The following NELL1 variants were observed in gnomAD, a reference collection of about 807,000 sequenced individuals.
NELL1 encodes the protein protein kinase C-binding protein NELL1.
Under a neutral mutation model 107.4 loss-of-function variants are expected in NELL1, and 76 were observed. The observed-to-expected ratio is 0.71, with a 90% CI of 0.59 to 0.86. NELL1 has a LOEUF of 0.86. NELL1 is among the 40% of genes least tolerant of loss of function. NELL1 has a pLI of 0.00. For missense variants in NELL1, 1,024 were observed against 1,005.5 expected, an observed-to-expected ratio of 1.02 and a Z score of -0.25; for synonymous variants, 353 against 341.2, an observed-to-expected ratio of 1.03 and a Z score of -0.38.
intron 14 of NELL1, among the ~76,000 whole-genome samples, chr11:21,315,907 G>A (rs181576266): frequency 0.023 from 3,439 of 151,734 alleles, 70 homozygotes; most frequent in Non-Finnish European, 0.029. Flanking sequence ...GTGTGTGTGT[G>A]TGTGTGTGTG....
At chr11:20,920,545 C>G (rs746826049) in intron 7 of NELL1, among the ~76,000 whole-genome samples, 1 of 151,996 alleles carries the variant, frequency 6.6e-6, no homozygotes, top group Non-Finnish European at 1.5e-5. Flanking sequence ...GAATGTGAAA[C>G]GCAGGTGATT....
rs1565165685 is a variant in NELL1 at position 21,319,518 on chromosome 11, T to TATATATATA, written c.1550-51335_1550-51334insATATATATA. Among the ~76,000 whole-genome samples the TATATATATA allele has an allele frequency of 3.5e-5, 4 of 112,918 alleles. No individual in the cohort carries two copies. The East Asian group carries it at 1.1e-3, about 32-fold the overall frequency. 74.1% of individuals were successfully genotyped at this position (112,918 alleles called of 152,430 possible). On this transcript the variant is annotated intron_variant, in intron 14 of 19. Transcript: ENST00000357134. ...TTTATATATATATATATATATATAT[T>TATATATATA]TTTAGTAGAGACAGGTTTTTAACAT...
rs1054008641 is a variant in NELL1 at position 21,426,585 on chromosome 11, T to C, written c.1645+55637T>C. 1.4e-3 allele frequency among the ~76,000 whole-genome samples: 208 copies of C among 152,352 alleles called. 1 individual carries two copies. The highest frequency in any genetic ancestry group is 4.9e-3 in the African/African-American group (205 of 41,590). ...ACCTTCAAAGCTTCAATGTATATTATGTAATTATGCACACTTTTAAGCAAG... is the reference window on the plus strand; with the variant it reads ...ACCTTCAAAGCTTCAATGTATATTACGTAATTATGCACACTTTTAAGCAAG... On this transcript the variant is annotated intron_variant, in intron 15 of 19. Transcript: ENST00000357134.
At chr11:20,787,591 T>C (rs1168990947) in intron 3 of NELL1, among the ~76,000 whole-genome samples, 3 of 152,196 alleles carry the variant, frequency 2.0e-5, no homozygotes, top group Non-Finnish European at 4.4e-5. Flanking sequence ...GTAGATAGAT[T>C]GTTGGCTTAA....
chr11:21,294,692 G>T (rs1041867846), intron 14 of NELL1, among the ~76,000 whole-genome samples: 2 of 151,880 alleles, frequency 1.3e-5, no homozygotes, highest in Non-Finnish European at 2.9e-5. Context: ...ATTTACCTGA[G>T]GTCACACAAC....
intron 16 of NELL1, among the ~76,000 whole-genome samples, chr11:21,551,233 G>A (rs920843414): frequency 9.2e-5 from 14 of 152,040 alleles, no homozygotes; most frequent in Non-Finnish European, 1.6e-4. Context: ...AGCTTAAGGA[G>A]ATTTTGGACT....
intron 4 of NELL1, among the ~76,000 whole-genome samples, chr11:20,871,339 G>A (rs1275456027): frequency 2.0e-5 from 3 of 152,114 alleles, no homozygotes; most frequent in Non-Finnish European, 1.5e-5. Flanking sequence ...TATTCAGCTC[G>A]CCTTAATTTT....
intron 12 of NELL1, among the ~76,000 whole-genome samples, chr11:21,027,292 TTAGTTTAG>T (rs1046275995): frequency 7.4e-5 from 8 of 107,602 alleles, no homozygotes; most frequent in Non-Finnish European, 1.7e-4. Flanking sequence ...CTAGTTTAGT[TTAGTTTAG>T]TTTAGTTTAG....
At chr11:20,739,774 T>A (rs1186310867) in intron 2 of NELL1, among the ~76,000 whole-genome samples, 3 of 152,150 alleles carry the variant, frequency 2.0e-5, no homozygotes, top group African/African-American at 7.2e-5. Context: ...CACAAGAGGA[T>A]GTGCTTAATA....
At chr11:21,292,679 A>G (rs904911913) in intron 14 of NELL1, among the ~76,000 whole-genome samples, 53 of 152,308 alleles carry the variant, frequency 3.5e-4, no homozygotes, top group Middle Eastern at 3.4e-3. Flanking sequence ...ACTTCAAACT[A>G]TACTGCAAGC....
chr11:21,256,701 G>C (rs191216670), intron 14 of NELL1, among the ~76,000 whole-genome samples: 1 of 152,000 alleles, frequency 6.6e-6, no homozygotes, highest in East Asian at 1.9e-4. Context: ...CAAAGTTCTT[G>C]CTCTGGGTGC....
intron 14 of NELL1, among the ~76,000 whole-genome samples, chr11:21,301,418 C>CT (rs1416904687): frequency 6.6e-6 from 1 of 152,102 alleles, no homozygotes; most frequent in East Asian, 1.9e-4. Context: ...TGTTTCAGGA[C>CT]TTTTTAATGA....
At chr11:21,468,885 C>T (rs1269066060) in intron 15 of NELL1, among the ~76,000 whole-genome samples, 1 of 152,038 alleles carries the variant, frequency 6.6e-6, no homozygotes, top group Non-Finnish European at 1.5e-5. Context: ...CAAGGTTCTC[C>T]TGAGGAACTC....
At chr11:21,100,533 CAGCTT>C (rs1378158369) in intron 12 of NELL1, among the ~76,000 whole-genome samples, 6 of 152,218 alleles carry the variant, frequency 3.9e-5, no homozygotes, top group Admixed American at 6.5e-5. Context: ...ATATGGAAAA[CAGCTT>C]AGCGGTTTCT....
intron 11 of NELL1, among the ~76,000 whole-genome samples, chr11:20,958,927 T>C: frequency 6.6e-6 from 1 of 152,148 alleles, no homozygotes; most frequent in East Asian, 1.9e-4. Flanking sequence ...ACTATGGCCA[T>C]TAAGCGAATA....
At chr11:21,215,147 T>C (rs903984441) in intron 13 of NELL1, among the ~76,000 whole-genome samples, 13 of 152,138 alleles carry the variant, frequency 8.5e-5, no homozygotes, top group Admixed American at 1.3e-4. Flanking sequence ...GTTATCTCTA[T>C]GCTGTTCTCA....
At chr11:21,496,408 GTT>G (rs749782963) in intron 15 of NELL1, among the ~76,000 whole-genome samples, 7 of 121,238 alleles carry the variant, frequency 5.8e-5, no homozygotes, top group East Asian at 2.2e-4. Context: ...TTCTTCTCTT[GTT>G]TTTTTTTTTT....
rs113807548 is a variant in NELL1, at chr11:20,895,197, G to A, written c.603+9657G>A. On this transcript the variant is annotated intron_variant, in intron 5 of 19. Coordinates refer to ENST00000357134, the MANE Select transcript of NELL1 (RefSeq NM_006157.5). ...TGAGGCAGGAGAATGGCGTGAACCC[G>A]GGAGGCGGAGCTTGCAGTGAGCCGA... Among the ~76,000 whole-genome samples, 19 of 129,556 alleles carry A rather than the reference G, an allele frequency of 1.5e-4. 1 individual carries two copies. Among genetic ancestry groups the A allele is most frequent in the African/African-American group, 5.3e-4 (17 of 31,958 alleles). 85.0% of individuals were successfully genotyped at this position (129,556 alleles called of 152,430 possible).
intron 10 of NELL1, among the ~76,000 whole-genome samples, chr11:20,944,059 C>T (rs1227988482): frequency 2.0e-5 from 3 of 152,164 alleles, no homozygotes; most frequent in East Asian, 3.9e-4. Context: ...GATGTAAGCA[C>T]TAATGCCCTA....
Sources: gnomAD v4.1 joint callset for allele counts (sites outside exome capture counted in the v4.1 genomes callset) on GRCh38, gnomAD v4.1.1 for gene constraint, MANE v1.5 for transcripts, NCBI Gene and HGNC (gene_info 2026-07-23, HGNC 2026-07-21) for gene names.